C11orf65: variants seen among roughly 807,000 people sequenced by gnomAD.
C11orf65 encodes chromosome 11 open reading frame 65.
A neutral mutation model predicts 35.3 loss-of-function variants in C11orf65; 38 were observed. That is an observed-to-expected ratio of 1.08 (90% confidence interval 0.83 to 1.41). The LOEUF (loss-of-function observed/expected upper bound fraction) is 1.41. C11orf65 is among the 40% of genes most tolerant of loss of function. The pLI, the probability that C11orf65 is intolerant of heterozygous loss-of-function variation, is 0.00. For missense variants in C11orf65, 370 were observed against 367.1 expected (o/e 1.01, Z -0.06); for synonymous variants, 105 against 114.4 (o/e 0.92, Z 0.53).
intron 6 of C11orf65, among the ~76,000 whole-genome samples, chr11:108,396,054 A>G (rs898127949): frequency 6.6e-6 from 1 of 152,120 alleles, no homozygotes; most frequent in African/African-American, 2.4e-5. Context: ...CAGTGAGAAG[A>G]TACATCCTTG....
intron 6 of C11orf65, among the ~76,000 whole-genome samples, chr11:108,319,586 CTTAT>C (rs1308389753): frequency 6.6e-6 from 1 of 152,184 alleles, no homozygotes; most frequent in Admixed American, 6.5e-5. Context: ...CTTTCCAATA[CTTAT>C]TTATTGTCTG....
intron 1 of C11orf65, among the ~76,000 whole-genome samples, chr11:108,463,826 G>A (rs2093500449): frequency 1.3e-5 from 2 of 151,918 alleles, no homozygotes; most frequent in Non-Finnish European, 2.9e-5. Context: ...TTAGGAAACT[G>A]AGATAACATT....
At chr11:108,348,251 A>T (rs2088710542) in intron 2 of C11orf65, among the ~76,000 whole-genome samples, 1 of 151,862 alleles carries the variant, frequency 6.6e-6, no homozygotes, top group Non-Finnish European at 1.5e-5. Flanking sequence ...AATATAAAAG[A>T]AAGAGAATAT....
At position 108,392,736 on chromosome 11, in the gene C11orf65, T is replaced by C. The variant is rs776635105; in HGVS notation, c.731+472A>G. On this transcript the variant is annotated intron_variant, in intron 7 of 8. Transcript: ENST00000393084. ...GTGAAGTGGTATCTCATTATGGTTTTGATTGCATTTCCTTAATGGGGCTAC... is the reference window on the plus strand; with the variant it reads ...GTGAAGTGGTATCTCATTATGGTTTCGATTGCATTTCCTTAATGGGGCTAC... 7.7e-4 allele frequency among the ~76,000 whole-genome samples: 118 copies of C among 152,360 alleles called. 1 individual carries two copies. The highest frequency in any genetic ancestry group is 7.6e-4 in the Non-Finnish European group (52 of 68,036).
At chr11:108,398,392 A>C (rs2092367736) in intron 6 of C11orf65, among the ~76,000 whole-genome samples, 2 of 152,206 alleles carry the variant, frequency 1.3e-5, no homozygotes, top group South Asian at 4.1e-4. Flanking sequence ...ATGACTGGCT[A>C]AATGCAGTGT....
intron 2 of C11orf65, among the ~76,000 whole-genome samples, chr11:108,432,829 T>C (rs181439038): frequency 6.6e-6 from 1 of 152,306 alleles, no homozygotes; most frequent in Non-Finnish European, 1.5e-5. Flanking sequence ...CTTATTATGG[T>C]TTAAAATCTG....
At chr11:108,456,191 A>G (rs543788300) in intron 2 of C11orf65, among the ~76,000 whole-genome samples, 100 of 152,170 alleles carry the variant, frequency 6.6e-4, no homozygotes, top group Non-Finnish European at 1.2e-3. Flanking sequence ...AGACCAATGC[A>G]ACAGAATAGA....
At chr11:108,334,532 A>G (rs1387541969) in intron 3 of C11orf65, among the ~76,000 whole-genome samples, 2 of 151,922 alleles carry the variant, frequency 1.3e-5, no homozygotes, top group Non-Finnish European at 2.9e-5. Context: ...TCTTAAATAC[A>G]TTGTCTTTCT....
intron 6 of C11orf65, among the ~76,000 whole-genome samples, chr11:108,401,629 C>G (rs1591471925): frequency 6.6e-6 from 1 of 152,314 alleles, no homozygotes; most frequent in African/African-American, 2.4e-5. Flanking sequence ...ATGCTTCCCC[C>G]TGCACAGATC....
intron 2 of C11orf65, among the ~76,000 whole-genome samples, chr11:108,458,764 T>C (rs559174427): frequency 6.6e-6 from 1 of 152,260 alleles, no homozygotes; most frequent in African/African-American, 2.4e-5. Context: ...TTTAAAAAAG[T>C]AGGGAAGGGC....
chr11:108,365,732 GGC>G (rs1409381017), intron 2 of C11orf65: 1 of 624,638 alleles, frequency 1.6e-6, no homozygotes, highest in Non-Finnish European at 2.7e-6. Flanking sequence ...TGGTCATTCG[GGC>G]TGGGCGCAGC....
chr11:108,377,000 CAA>C lies in C11orf65; in HGVS notation c.226+16206_226+16207del, dbSNP rs530892329. ...GTGGCAATAATCAATAGCTTACCAA[CAA>C]AAAAGAGTCCAGGACCAGATGGATT... On this transcript the variant is annotated intron_variant, in intron 2 of 3. Transcript: ENST00000524755. Among the ~76,000 whole-genome samples the C allele has an allele frequency of 7.8e-3, 1,178 of 151,786 alleles. 9 individuals are homozygous for C. The highest frequency in any genetic ancestry group is 0.024 in the African/African-American group (1,004 of 41,328).
At chr11:108,315,753 T>C in intron 6 of C11orf65, 1 of 1,215,508 alleles carries the variant, frequency 8.2e-7, no homozygotes, top group African/African-American at 1.5e-5. Context: ...AATGATACAA[T>C]TTAAAATTTG....
intron 7 of C11orf65, among the ~76,000 whole-genome samples, chr11:108,387,148 CTTT>C (rs1175890979): frequency 1.5e-4 from 13 of 84,386 alleles, no homozygotes; most frequent in Admixed American, 2.0e-4. Context: ...TTCTTTCTTT[CTTT>C]TTTTTTTTTT....
intron 2 of C11orf65, among the ~76,000 whole-genome samples, chr11:108,370,546 G>A (rs1183433117): frequency 6.8e-6 from 1 of 146,940 alleles, no homozygotes; most frequent in East Asian, 1.9e-4. Flanking sequence ...GGACATTCTA[G>A]TCCTGTGCCT....
intron 2 of C11orf65, among the ~76,000 whole-genome samples, chr11:108,362,433 G>T (rs1227344442): frequency 1.3e-5 from 2 of 151,716 alleles, no homozygotes; most frequent in Non-Finnish European, 2.9e-5. Flanking sequence ...ATTTGACCCA[G>T]CCATCCCATT....
intron 6 of C11orf65, among the ~76,000 whole-genome samples, chr11:108,396,890 CTATTA>C (rs1458227644): frequency 6.8e-6 from 1 of 146,292 alleles, no homozygotes; most frequent in Non-Finnish European, 1.5e-5. Flanking sequence ...AAAATAGTTA[CTATTA>C]TAATTAAATG....
chr11:108,359,808 G>GA lies in C11orf65; in HGVS notation c.227-24517dup, dbSNP rs2090485698. On this transcript the variant is annotated intron_variant, in intron 2 of 3. Transcript: ENST00000524755. ...ACACATTCAAAGCAGTGTGTAGAGGGAAATTTATAGCACTAAATGCCCACA... is the reference window on the plus strand; with the variant it reads ...ACACATTCAAAGCAGTGTGTAGAGGGAAAATTTATAGCACTAAATGCCCACA... Among the ~76,000 whole-genome samples, 13 of 152,128 alleles carry GA rather than the reference G, an allele frequency of 8.5e-5. 1 individual carries two copies. In the South Asian group the frequency reaches 2.7e-3, roughly 32 times the overall value.
intron 6 of C11orf65, among the ~76,000 whole-genome samples, chr11:108,395,985 T>C (rs1434704240): frequency 4.6e-5 from 7 of 152,070 alleles, no homozygotes; most frequent in Non-Finnish European, 1.0e-4. Context: ...TTTAGAACAA[T>C]GACTGGTACA....
Sources: gnomAD v4.1 joint callset for allele counts (sites outside exome capture counted in the v4.1 genomes callset) on GRCh38, gnomAD v4.1.1 for gene constraint, MANE v1.5 for transcripts, NCBI Gene and HGNC (gene_info 2026-07-23, HGNC 2026-07-21) for gene names.